The following NBEAL1 variants were observed in gnomAD, a reference collection of about 807,000 sequenced individuals.
The protein encoded by NBEAL1 is neurobeachin like 1, also known as neurobeachin-like protein 1.
NBEAL1 carries 273 observed loss-of-function variants against 351.3 expected under a neutral mutation model. That is an observed-to-expected ratio of 0.78 (90% CI 0.70 to 0.86). The LOEUF is 0.86. Among genes scored for constraint, NBEAL1 ranks in the 40% least tolerant of loss-of-function variants. The pLI is 0.00. For synonymous variants in NBEAL1, 1,050 were observed against 1,086.4 expected, an observed-to-expected ratio of 0.97 and a Z score of 0.66; for missense variants, 2,961 against 3,201.3, an observed-to-expected ratio of 0.92 and a Z score of 1.81.
At chr2:203,049,317 A>G (rs1410831012) in intron 3 of NBEAL1, among the ~76,000 whole-genome samples, 1 of 152,168 alleles carries the variant, frequency 6.6e-6, no homozygotes, top group African/African-American at 2.4e-5. Context: ...TCGGCCTCCA[A>G]AAGTGCTGGG....
chr2:203,145,812 A>G (rs1180270097), intron 33 of NBEAL1, among the ~76,000 whole-genome samples: 1 of 151,312 alleles, frequency 6.6e-6, no homozygotes, highest in East Asian at 1.9e-4. Flanking sequence ...AAAAAAAAAA[A>G]AAAAGAAAGA....
intron 55 of NBEAL1, chr2:203,213,954 C>A: frequency 4.8e-6 from 1 of 206,268 alleles, no homozygotes; most frequent in Non-Finnish European, 8.5e-6. Context: ...AGAGCCTTTG[C>A]AAAAGAATAA....
intron 2 of NBEAL1, among the ~76,000 whole-genome samples, chr2:203,018,236 G>A (rs753288922): frequency 6.8e-6 from 1 of 146,752 alleles, no homozygotes; most frequent in Admixed American, 6.9e-5. Flanking sequence ...CAAACCAGCT[G>A]ACTTTTTTTT....
chr2:203,016,168 G>T lies in NBEAL1; in HGVS notation c.-217G>T. ...TTCTCTTTCACAGATTTATTTAATT[G>T]CCCAACTACCACTGATGAAGATATA... is the stretch of plus-strand genomic sequence containing the variant. On this transcript the variant is annotated 5_prime_UTR_variant, in exon 2 of 56. Transcript: ENST00000683969. 1.4e-5 allele frequency: 5 copies of T among 362,840 alleles called. No individual in the cohort carries two copies. The highest frequency in any genetic ancestry group is 2.0e-5 in the Non-Finnish European group (4 of 204,912). 22.5% of individuals were successfully genotyped at this position (362,840 alleles called of 1,614,324 possible).
At chr2:203,145,247 T>C in intron 33 of NBEAL1, 87 bp downstream of exon 33, 1 of 1,109,386 alleles carries the variant, frequency 9.0e-7, no homozygotes, top group Non-Finnish European at 1.2e-6. Flanking sequence ...CCCCAAACTT[T>C]AAAACAAGCA....
chr2:203,173,206 A>G (rs2064378828), intron 41 of NBEAL1, among the ~76,000 whole-genome samples: 1 of 152,170 alleles, frequency 6.6e-6, no homozygotes, highest in African/African-American at 2.4e-5. Flanking sequence ...GTATCTGTCT[A>G]ATATAATATT....
Position 203,113,031 on chromosome 2 carries a change from G to A in NBEAL1, c.2219G>A (p.Cys740Tyr). Residue 740 changes from cysteine to tyrosine, a missense_variant, in exon 17 of 56, where the codon TGC becomes TAC. Coordinates refer to ENST00000683969, the MANE Select transcript of NBEAL1 (RefSeq NM_001378026.1). ...PAMNEPFTSC[C>Y]IGSAGQRTTT... is the part of the protein sequence containing the mutation. The stretch of plus-strand genomic sequence containing the variant: ...TGTTTTTAGCCCTTTACTTCCTGTT[G>A]CATTGGTTCAGCTGGGCAAAGAACC... 6.7e-7 allele frequency: 1 copy of A among 1,482,698 alleles called. No individual in the cohort carries two copies. Among genetic ancestry groups the A allele is most frequent in the South Asian group, 1.4e-5 (1 of 72,334 alleles). The allele number at this position is 1,482,698 out of a possible 1,614,324, so 91.8% of individuals were successfully genotyped here. A position where few individuals can be genotyped will look rare whatever the true frequency, so the allele number is the denominator to read the frequency against.
chr2:203,126,776 TTGAC>T (rs1462741971), intron 22 of NBEAL1, 44 bp from the exon 23 acceptor site: 1 of 1,535,316 alleles, frequency 6.5e-7, no homozygotes, highest in Admixed American at 2.1e-5. Context: ...TAACTACCTA[TTGAC>T]TTTATTTTAG....
At chr2:203,131,154 G>T (rs992965450) in intron 25 of NBEAL1, among the ~76,000 whole-genome samples, 1 of 152,142 alleles carries the variant, frequency 6.6e-6, no homozygotes, top group African/African-American at 2.4e-5. Context: ...AATTAAACTA[G>T]AGTTTTAAGC....
rs1457593438 is a variant in NBEAL1, at chr2:203,154,794, A to AT, written c.5588-2899dup. 3.9e-5 allele frequency among the ~76,000 whole-genome samples: 6 copies of AT among 152,046 alleles called. No homozygotes were observed. In the East Asian group the frequency reaches 9.7e-4, roughly 25 times the overall value. On this transcript the variant is annotated intron_variant, in intron 35 of 55. Transcript: ENST00000683969. ...ATACCCCATCTCTACAAAAAATACG[A>AT]TTTTTTGTAGCATGGCACATACTTG...
chr2:203,194,948 A>G (rs2065197186), intron 47 of NBEAL1, among the ~76,000 whole-genome samples: 1 of 152,228 alleles, frequency 6.6e-6, no homozygotes, highest in Non-Finnish European at 1.5e-5. Context: ...CTGTAATCCC[A>G]GCACTTTGGG....
rs145441017 is a variant in NBEAL1 at position 203,136,836 on chromosome 2, G to A, written c.4565+62G>A. 1,230 of 1,345,864 alleles carry A rather than the reference G, an allele frequency of 9.1e-4. 13 individuals carry two copies. In the East Asian group the frequency reaches 0.025, roughly 28 times the overall value. 83.4% of individuals were successfully genotyped at this position (1,345,864 alleles called of 1,614,324 possible). A position where few individuals can be genotyped will look rare whatever the true frequency, so the allele number is the denominator to read the frequency against. ...GGTGACAGCAGGAGTCTAAAATAACGTTAGTTATTGAACATTTATTCAGTA... is the reference window on the plus strand; with the variant it reads ...GGTGACAGCAGGAGTCTAAAATAACATTAGTTATTGAACATTTATTCAGTA... On this transcript the variant is annotated intron_variant, in intron 29 of 55. Coordinates refer to ENST00000683969, the MANE Select transcript of NBEAL1 (RefSeq NM_001378026.1).
intron 12 of NBEAL1, among the ~76,000 whole-genome samples, chr2:203,107,146 C>T (rs1230733811): frequency 6.6e-6 from 1 of 152,062 alleles, no homozygotes; most frequent in South Asian, 2.1e-4. Flanking sequence ...ATGCCCTAAT[C>T]TGCAAATAAT....
intron 18 of NBEAL1, among the ~76,000 whole-genome samples, chr2:203,121,773 A>G (rs1002452542): frequency 6.6e-6 from 1 of 150,926 alleles, no homozygotes; most frequent in African/African-American, 2.4e-5. Context: ...CTAATTCCTG[A>G]TTCTTTCTTT....
At chr2:203,208,004 G>A (rs912558350) in intron 51 of NBEAL1, among the ~76,000 whole-genome samples, 1 of 152,152 alleles carries the variant, frequency 6.6e-6, no homozygotes, top group Non-Finnish European at 1.5e-5. Flanking sequence ...TTATTCAGCC[G>A]GACATGGTGG....
chr2:203,201,754 TTC>T (rs771178103), intron 50 of NBEAL1, 39 bp downstream of exon 50: 5 of 1,524,510 alleles, frequency 3.3e-6, no homozygotes, highest in Non-Finnish European at 4.4e-6. Flanking sequence ...CTCAAAAATT[TTC>T]TTTTTTTCTT....
At chr2:203,063,103 C>G (rs1048430638) in intron 6 of NBEAL1, among the ~76,000 whole-genome samples, 2 of 152,060 alleles carry the variant, frequency 1.3e-5, no homozygotes, top group African/African-American at 4.8e-5. Flanking sequence ...TTTGATTAAT[C>G]TGTTATCAAT....
At chr2:203,077,686 C>G (rs2061801031) in intron 7 of NBEAL1, 66 bp from the exon 8 acceptor site, 1 of 967,566 alleles carries the variant, frequency 1.0e-6, no homozygotes. Context: ...TCAGACATTC[C>G]TTAGAGATAA....
At chr2:203,128,576 T>C (rs915994425) in intron 24 of NBEAL1, among the ~76,000 whole-genome samples, 2 of 150,100 alleles carry the variant, frequency 1.3e-5, no homozygotes, top group African/African-American at 4.9e-5. Context: ...GAAGTTATCA[T>C]CAAAGTTAGT....
Sources: gnomAD v4.1 joint callset for allele counts (sites outside exome capture counted in the v4.1 genomes callset) on GRCh38, gnomAD v4.1.1 for gene constraint, MANE v1.5 for transcripts, NCBI Gene and HGNC (gene_info 2026-07-23, HGNC 2026-07-21) for gene names.